The following PSMD14 variants were observed in gnomAD, a reference collection of about 807,000 sequenced individuals.
PSMD14 encodes the protein proteasome 26S subunit, non-ATPase 14, also known as ubiquitin C-terminal hydrolase PSMD14.
A neutral mutation model predicts 41.2 loss-of-function variants in PSMD14; 7 were observed. The observed-to-expected ratio is 0.17, with a 90% CI of 0.10 to 0.32. PSMD14 has a LOEUF of 0.32. PSMD14 is among the 10% of genes least tolerant of loss of function. The probability of loss-of-function intolerance (pLI) is 1.00; values close to 1 mark genes in which losing one functional copy is unlikely to be tolerated. For synonymous variants in PSMD14, 114 were observed against 122.3 expected (o/e 0.93, Z 0.45); for missense variants, 139 against 375.6 (o/e 0.37, Z 5.21).
At chr2:161,347,711 A>T (rs1683063647) in intron 3 of PSMD14, among the ~76,000 whole-genome samples, 1 of 152,244 alleles carries the variant, frequency 6.6e-6, no homozygotes, top group Non-Finnish European at 1.5e-5. Flanking sequence ...AGCACAAATA[A>T]TAAAGGGACG....
intron 3 of PSMD14, among the ~76,000 whole-genome samples, chr2:161,326,640 G>T (rs927201913): frequency 9.2e-5 from 14 of 152,136 alleles, no homozygotes; most frequent in Non-Finnish European, 1.5e-4. Flanking sequence ...TAGCCAAGGG[G>T]TGGAAACAAC....
chr2:161,391,281 G>A (rs888658903), intron 9 of PSMD14, 103 bp downstream of exon 9: 9 of 1,166,262 alleles, frequency 7.7e-6, no homozygotes, highest in Non-Finnish European at 1.0e-5. Flanking sequence ...ACCTCTTTCA[G>A]TGTTTCCAAA....
At chr2:161,387,542 A>G (rs941254008) in intron 8 of PSMD14, among the ~76,000 whole-genome samples, 1 of 152,020 alleles carries the variant, frequency 6.6e-6, no homozygotes, top group Admixed American at 6.6e-5. Context: ...TCTTATACTT[A>G]GTAGTAGAGA....
chr2:161,372,007 A>T, intron 7 of PSMD14, among the ~76,000 whole-genome samples: 1 of 143,840 alleles, frequency 7.0e-6, no homozygotes, highest in African/African-American at 2.6e-5. Flanking sequence ...CCCATATGCC[A>T]TTTTCCTATT....
intron 8 of PSMD14, 69 bp from the exon 9 acceptor site, chr2:161,391,035 A>G (rs1347290283): frequency 2.3e-6 from 3 of 1,330,212 alleles, no homozygotes; most frequent in Non-Finnish European, 3.0e-6. Flanking sequence ...GAATATATCA[A>G]CAGTTTCAAA....
intron 3 of PSMD14, chr2:161,340,709 C>A: frequency 6.4e-7 from 1 of 1,570,042 alleles, no homozygotes; most frequent in Non-Finnish European, 8.6e-7. Context: ...GCAGCATGCA[C>A]CCTGGGCGCC....
chr2:161,323,211 T>G (rs1372843822), intron 3 of PSMD14, among the ~76,000 whole-genome samples: 1 of 152,252 alleles, frequency 6.6e-6, no homozygotes, highest in African/African-American at 2.4e-5. Flanking sequence ...TATTGGCCTA[T>G]TTTTAGTTCT....
Position 161,395,152 on chromosome 2 carries a change from C to T in PSMD14, c.720C>T (p.His240=), listed in dbSNP as rs1430257805. ...AGGACTACAGTGAACATTGTAAACACAATGAATCAGTGGTAAAAGAGATGT... is the reference window on the plus strand; with the variant it reads ...AGGACTACAGTGAACATTGTAAACATAATGAATCAGTGGTAAAAGAGATGT... ...TLQDYSEHCK[H]NESVVKEMLE... is the part of the protein sequence containing the mutation. The change falls in exon 10 of 12, where the codon CAC becomes CAT. Residue 240 remains histidine (H), a synonymous_variant. Coordinates refer to ENST00000409682, the MANE Select transcript of PSMD14 (RefSeq NM_005805.6). 3.1e-6 allele frequency: 5 copies of T among 1,598,764 alleles called. No homozygotes were observed. The African/African-American group carries it at 5.4e-5, about 17-fold the overall frequency.
At chr2:161,326,921 A>ATTTTTTATTGTT (rs1181456691) in intron 3 of PSMD14, among the ~76,000 whole-genome samples, 1 of 152,022 alleles carries the variant, frequency 6.6e-6, no homozygotes, top group Non-Finnish European at 1.5e-5. Context: ...TTGTATTGTT[A>ATTTTTTATTGTT]TTTTTTATTG....
chr2:161,353,793 G>A (rs1683153441), intron 3 of PSMD14, among the ~76,000 whole-genome samples: 1 of 152,120 alleles, frequency 6.6e-6, no homozygotes, highest in African/African-American at 2.4e-5. Context: ...TACATGGTAT[G>A]TGGGCTGTCA....
At chr2:161,400,243 T>C (rs557003512) in intron 10 of PSMD14, among the ~76,000 whole-genome samples, 13 of 152,364 alleles carry the variant, frequency 8.5e-5, no homozygotes, top group Non-Finnish European at 1.5e-4. Context: ...TGCTCTGCTT[T>C]CCTTGTGTTG....
chr2:161,349,189 A>C (rs1683084788), intron 3 of PSMD14, among the ~76,000 whole-genome samples: 1 of 152,176 alleles, frequency 6.6e-6, no homozygotes, highest in Non-Finnish European at 1.5e-5. Context: ...TAGTATCTAC[A>C]GTCTGTTGTT....
At chr2:161,342,381 TC>T (rs1185638230) in intron 3 of PSMD14, among the ~76,000 whole-genome samples, 1 of 152,202 alleles carries the variant, frequency 6.6e-6, no homozygotes, top group Non-Finnish European at 1.5e-5. Flanking sequence ...AAACACCTTT[TC>T]TGCATGTATC....
intron 8 of PSMD14, among the ~76,000 whole-genome samples, chr2:161,387,049 A>G (rs1683644551): frequency 6.6e-6 from 1 of 152,018 alleles, no homozygotes; most frequent in Non-Finnish European, 1.5e-5. Flanking sequence ...TAACAACTAC[A>G]GCATCATTAT....
intron 3 of PSMD14, among the ~76,000 whole-genome samples, chr2:161,330,236 T>A (rs1268569196): frequency 6.6e-6 from 1 of 152,178 alleles, no homozygotes; most frequent in Non-Finnish European, 1.5e-5. Flanking sequence ...ATGTTTAAAG[T>A]TTTAAATATA....
In PSMD14 at chr2:161,355,350, CAG is replaced by C. The variant is rs574646528; in HGVS notation, c.49-12127_49-12126del. On this transcript the variant is annotated intron_variant, in intron 3 of 11. Transcript: ENST00000409682. ...TGATATTATGAGTTTTTACTAAAGT[CAG>C]TACTTTCAGGATTACTCAGAGATGA... is the stretch of plus-strand genomic sequence containing the variant. Among the ~76,000 whole-genome samples the C allele has an allele frequency of 1.0e-3, 158 of 152,158 alleles. 1 individual carries two copies. Among genetic ancestry groups the C allele is most frequent in the African/African-American group, 3.7e-3 (152 of 41,524 alleles).
chr2:161,334,971 G>A (rs1375331387), intron 3 of PSMD14, among the ~76,000 whole-genome samples: 1 of 152,232 alleles, frequency 6.6e-6, no homozygotes, highest in Non-Finnish European at 1.5e-5. Flanking sequence ...AATGCTTAGT[G>A]AAATTAGGGT....
At chr2:161,368,005 G>T in intron 5 of PSMD14, 102 bp downstream of exon 5, 5 of 1,307,730 alleles carry the variant, frequency 3.8e-6, no homozygotes, top group Non-Finnish European at 4.1e-6. Context: ...TCTCTTTCCA[G>T]TAGGAAAAAT....
intron 7 of PSMD14, among the ~76,000 whole-genome samples, chr2:161,380,377 A>G (rs936533305): frequency 6.6e-5 from 10 of 152,048 alleles, no homozygotes; most frequent in Admixed American, 2.0e-4. Context: ...AAAAATGTCT[A>G]ATTACCTTTT....
Sources: allele counts gnomAD v4.1 joint callset (sites outside exome capture counted in the v4.1 genomes callset), GRCh38; gene constraint gnomAD v4.1.1; transcripts MANE v1.5; gene names NCBI Gene and HGNC (gene_info 2026-07-23, HGNC 2026-07-21).